MMP26: variants seen among roughly 807,000 people sequenced by gnomAD.
MMP26 encodes matrix metalloproteinase-26.
A neutral mutation model predicts 31.0 loss-of-function variants in MMP26; 33 were observed. That is an observed-to-expected ratio of 1.06 (90% CI 0.81 to 1.42). The LOEUF (loss-of-function observed/expected upper bound fraction) is 1.42. Ranked by LOEUF, MMP26 falls within the 40% of genes most tolerant of loss-of-function variation. MMP26 has a pLI of 0.00. For synonymous variants in MMP26, 122 were observed against 114.9 expected, an observed-to-expected ratio of 1.06 and a Z score of -0.40; for missense variants, 347 against 316.1, an observed-to-expected ratio of 1.10 and a Z score of -0.74.
In MMP26 at chr11:4,948,443, G is replaced by T. The variant is rs1290463654; in HGVS notation, c.-144-39625G>T. Among the ~76,000 whole-genome samples, 4 of 124,136 alleles carry T rather than the reference G, an allele frequency of 3.2e-5. 2 individuals are homozygous for T. The highest frequency in any genetic ancestry group is 7.3e-5 in the Non-Finnish European group (4 of 54,786). 81.4% of individuals were successfully genotyped at this position (124,136 alleles called of 152,430 possible). ...AGGGTAGAGGTAAGATAGCAACTCAGGTCTGTTATATTACTGATAATTAAG... is the reference window on the plus strand; with the variant it reads ...AGGGTAGAGGTAAGATAGCAACTCATGTCTGTTATATTACTGATAATTAAG... On this transcript the variant is annotated intron_variant, in intron 2 of 7. Transcript: ENST00000380390.
Position 4,949,496 on chromosome 11 carries a change from T to G in MMP26, c.-144-38572T>G, listed in dbSNP as rs139945354. Among the ~76,000 whole-genome samples the G allele has an allele frequency of 9.3e-3, 1,147 of 123,312 alleles. 262 individuals are homozygous for G. Among genetic ancestry groups the G allele is most frequent in the African/African-American group, 0.03 (1,086 of 36,610 alleles). The allele number at this position is 123,312 out of a possible 152,430, so 80.9% of individuals were successfully genotyped here. On this transcript the variant is annotated intron_variant, in intron 2 of 7. Transcript: ENST00000380390. ...TGTTGCAAATCAGTTGAGGTTTCTC[T>G]TGGCCCCATATACTGAAATAATAGT...
At chr11:4,801,519 T>C (rs1419288160) in intron 2 of MMP26, among the ~76,000 whole-genome samples, 3 of 129,256 alleles carry the variant, frequency 2.3e-5, no homozygotes, top group Non-Finnish European at 3.1e-5. Flanking sequence ...TTTATTTATT[T>C]ATTTATTTAT....
At chr11:4,828,477 A>T (rs778547538) in intron 2 of MMP26, among the ~76,000 whole-genome samples, 6 of 152,180 alleles carry the variant, frequency 3.9e-5, no homozygotes, top group Non-Finnish European at 4.4e-5. Flanking sequence ...ATGAATGATG[A>T]TGGCAATAGA....
At chr11:4,800,339 C>T (rs114504221) in intron 2 of MMP26, among the ~76,000 whole-genome samples, 423 of 152,298 alleles carry the variant, frequency 2.8e-3, no homozygotes, top group African/African-American at 9.7e-3. Context: ...CCAAGAGTTA[C>T]AGCTGGCACA....
chr11:4,814,798 T>C (rs1849398258), intron 2 of MMP26, among the ~76,000 whole-genome samples: 1 of 152,138 alleles, frequency 6.6e-6, no homozygotes. Flanking sequence ...TTAATAAAAA[T>C]GTTTAGAGAA....
intron 2 of MMP26, among the ~76,000 whole-genome samples, chr11:4,978,238 C>G (rs1846766124): frequency 6.6e-6 from 1 of 152,074 alleles, no homozygotes; most frequent in African/African-American, 2.4e-5. Context: ...CCAGGTATCT[C>G]TTTACAGTAG....
chr11:4,975,220 A>T (rs80145218), intron 2 of MMP26, among the ~76,000 whole-genome samples: 1,900 of 152,154 alleles, frequency 0.012, 62 homozygotes, highest in African/African-American at 0.043. Flanking sequence ...GTGTTAAGAT[A>T]ATATTTACCT....
chr11:4,908,341 C>A, intron 2 of MMP26: 1 of 1,565,718 alleles, frequency 6.4e-7, no homozygotes, highest in African/African-American at 1.4e-5. Context: ...AATTATCAAC[C>A]AGTAGGCATT....
At chr11:4,989,911 A>G in intron 4 of MMP26, 43 bp downstream of exon 4, 1 of 1,507,688 alleles carries the variant, frequency 6.6e-7, no homozygotes, top group Middle Eastern at 1.8e-4. Context: ...TGGGGTGATG[A>G]CCTCAAAGGG....
intron 2 of MMP26, among the ~76,000 whole-genome samples, chr11:4,898,873 G>C (rs944378996): frequency 7.5e-6 from 1 of 133,788 alleles, no homozygotes; most frequent in Non-Finnish European, 1.6e-5. Context: ...GTGTGTGTGT[G>C]TGTTCTTTCA....
intron 2 of MMP26, among the ~76,000 whole-genome samples, chr11:4,815,245 T>C (rs1849405164): frequency 6.6e-6 from 1 of 152,174 alleles, no homozygotes; most frequent in Non-Finnish European, 1.5e-5. Context: ...GATGTGCATT[T>C]GTCTCAGGTG....
intron 2 of MMP26, among the ~76,000 whole-genome samples, chr11:4,768,546 T>C (rs1848660948): frequency 6.6e-6 from 1 of 152,200 alleles, no homozygotes; most frequent in Non-Finnish European, 1.5e-5. Flanking sequence ...ACACCTGGGT[T>C]CAAATCTCAA....
At chr11:4,850,251 T>C (rs1368824) in intron 2 of MMP26, among the ~76,000 whole-genome samples, 54,198 of 152,006 alleles carry the variant, frequency 0.36, 10,477 homozygotes, top group Non-Finnish European at 0.43. Context: ...CCTTGGATGT[T>C]CCAGGCAATT....
At chr11:4,734,470 A>T (rs1848211306) in intron 1 of MMP26, among the ~76,000 whole-genome samples, 1 of 152,014 alleles carries the variant, frequency 6.6e-6, no homozygotes, top group South Asian at 2.1e-4. Context: ...ATGTCTTAAA[A>T]TGGAAGTTTA....
chr11:4,737,423 C>T (rs946106189), intron 1 of MMP26, among the ~76,000 whole-genome samples: 2 of 152,122 alleles, frequency 1.3e-5, no homozygotes, highest in Non-Finnish European at 2.9e-5. Flanking sequence ...GTGGGTGGAT[C>T]ACCTGAGGTC....
intron 2 of MMP26, among the ~76,000 whole-genome samples, chr11:4,982,217 C>G (rs1846824209): frequency 2.6e-5 from 4 of 151,834 alleles, no homozygotes. Flanking sequence ...TTATCTTTAT[C>G]AGGAATTATA....
At chr11:4,946,322 G>A in intron 2 of MMP26, 1 of 1,613,894 alleles carries the variant, frequency 6.2e-7, no homozygotes, top group Non-Finnish European at 8.5e-7. Flanking sequence ...GTGGACAACG[G>A]CCAGGTTGAT....
chr11:4,766,950 A>C (rs531326818), intron 1 of MMP26, among the ~76,000 whole-genome samples: 2 of 152,246 alleles, frequency 1.3e-5, no homozygotes, highest in Admixed American at 1.3e-4. Flanking sequence ...TCCAGCAGCT[A>C]GCAGGCATGT....
chr11:4,873,590 G>T (rs935032178), intron 2 of MMP26, among the ~76,000 whole-genome samples: 3 of 152,016 alleles, frequency 2.0e-5, no homozygotes, highest in Non-Finnish European at 4.4e-5. Context: ...GAAAGTAGGT[G>T]CATAACTTTA....
Sources: gnomAD v4.1 joint callset for allele counts (sites outside exome capture counted in the v4.1 genomes callset) on GRCh38, gnomAD v4.1.1 for gene constraint, MANE v1.5 for transcripts, NCBI Gene and HGNC (gene_info 2026-07-23, HGNC 2026-07-21) for gene names.